Variants in ZFPM2 observed in about 807,000 individuals in gnomAD.
ZFPM2 encodes the protein zinc finger protein, FOG family member 2.
Under a neutral mutation model 98.6 loss-of-function variants are expected in ZFPM2, and 20 were observed. The ratio of observed to expected loss-of-function variants is 0.20; its 90% CI spans 0.14 to 0.29. The LOEUF (loss-of-function observed/expected upper bound fraction) is 0.29, where lower values mean the gene tolerates loss of function less well. Among genes scored for constraint, ZFPM2 ranks in the 10% least tolerant of loss-of-function variants. The pLI, the probability that ZFPM2 is intolerant of heterozygous loss-of-function variation, is 1.00. For synonymous variants in ZFPM2, 518 were observed against 502.7 expected (o/e 1.03, Z -0.41); for missense variants, 1,310 against 1,388.6 (o/e 0.94, Z 0.90).
At chr8:105,773,838 CT>C (rs1813038428) in intron 5 of ZFPM2, among the ~76,000 whole-genome samples, 1 of 151,978 alleles carries the variant, frequency 6.6e-6, no homozygotes, top group African/African-American at 2.4e-5. Flanking sequence ...TTTTTGGTTA[CT>C]TTTTGTAAAA....
At chr8:105,371,760 ATTG>A (rs1810625865) in intron 1 of ZFPM2, among the ~76,000 whole-genome samples, 1 of 152,108 alleles carries the variant, frequency 6.6e-6, no homozygotes, top group South Asian at 2.1e-4. Context: ...ACTAGATTAG[ATTG>A]TTAATTGCAT....
At chr8:105,328,127 A>T (rs570130433) in intron 1 of ZFPM2, among the ~76,000 whole-genome samples, 1 of 152,000 alleles carries the variant, frequency 6.6e-6, no homozygotes, top group Admixed American at 6.6e-5. Context: ...GATGTTATAT[A>T]GCCCATACTT....
chr8:105,405,302 T>A (rs1219728474), intron 1 of ZFPM2, among the ~76,000 whole-genome samples: 1 of 152,072 alleles, frequency 6.6e-6, no homozygotes, highest in Admixed American at 6.6e-5. Context: ...TATTATACTT[T>A]AAGTTTTAGG....
At chr8:105,599,969 T>G (rs2130781920) in intron 4 of ZFPM2, among the ~76,000 whole-genome samples, 1 of 152,306 alleles carries the variant, frequency 6.6e-6, no homozygotes, top group Non-Finnish European at 1.5e-5. Context: ...TATTAGATTT[T>G]ATCAGAGAGG....
chr8:105,616,664 C>CAATAAT lies in ZFPM2; in HGVS notation c.421-17567_421-17562dup, dbSNP rs4038140. 427 of 374,568 alleles carry CAATAAT rather than the reference C, an allele frequency of 1.1e-3. 3 individuals carry two copies. Among genetic ancestry groups the CAATAAT allele is most frequent in the South Asian group, 6.6e-3 (316 of 47,628 alleles). 23.2% of individuals were successfully genotyped at this position (374,568 alleles called of 1,614,324 possible). ...TTTGCAACAGGTTCATATGGTATAA[C>CAATAAT]AATAATAATAATAATAATAAGGTAA... On this transcript the variant is annotated intron_variant, in intron 4 of 7. Transcript: ENST00000407775.
intron 5 of ZFPM2, among the ~76,000 whole-genome samples, chr8:105,720,025 A>G (rs990762751): frequency 6.6e-6 from 1 of 151,890 alleles, no homozygotes; most frequent in Non-Finnish European, 1.5e-5. Flanking sequence ...GCCAACCTTA[A>G]CTGGCAGAAA....
At chr8:105,482,866 C>T (rs894430331) in intron 3 of ZFPM2, among the ~76,000 whole-genome samples, 1 of 151,986 alleles carries the variant, frequency 6.6e-6, no homozygotes, top group Non-Finnish European at 1.5e-5. Context: ...CATCTCATTT[C>T]TTTAATCTTT....
At chr8:105,800,282 A>G (rs1017231073) in intron 7 of ZFPM2, among the ~76,000 whole-genome samples, 3 of 152,148 alleles carry the variant, frequency 2.0e-5, no homozygotes, top group Admixed American at 6.5e-5. Flanking sequence ...ATGCTGACCA[A>G]TGGGAGCTAG....
intron 3 of ZFPM2, among the ~76,000 whole-genome samples, chr8:105,493,462 A>T (rs1385395567): frequency 1.3e-5 from 2 of 152,186 alleles, no homozygotes; most frequent in African/African-American, 2.4e-5. Flanking sequence ...GATTTAGACA[A>T]TCTTGTACCG....
chr8:105,673,488 G>A (rs1286101929), intron 5 of ZFPM2, among the ~76,000 whole-genome samples: 2 of 151,984 alleles, frequency 1.3e-5, no homozygotes, highest in East Asian at 3.9e-4. Flanking sequence ...AACTGAGCAT[G>A]ACTCTTTCTG....
intron 5 of ZFPM2, among the ~76,000 whole-genome samples, chr8:105,770,570 T>A (rs1295029800): frequency 6.6e-6 from 1 of 152,088 alleles, no homozygotes; most frequent in Non-Finnish European, 1.5e-5. Flanking sequence ...TAAACAATAT[T>A]GCACAATAAT....
chr8:105,318,897 ACCGC>A lies in ZFPM2; in HGVS notation c.-44_-41del, dbSNP rs1811962622. Reference sequence around the variant, plus strand: ...GGGAGCCGAGGGAGCGGCAGCCGCGACCGCGGGCACCGCGGGAGCCCCAGCGGCA... The same window carrying A: ...GGGAGCCGAGGGAGCGGCAGCCGCGAGGGCACCGCGGGAGCCCCAGCGGCA... On this transcript the variant is annotated 5_prime_UTR_variant, in exon 1 of 8. Transcript: ENST00000407775. 7.9e-7 allele frequency: 1 copy of A among 1,272,306 alleles called. No homozygotes were observed. The allele number at this position is 1,272,306 out of a possible 1,614,324, so 78.8% of individuals were successfully genotyped here.
At chr8:105,624,853 C>A (rs888916380) in intron 4 of ZFPM2, among the ~76,000 whole-genome samples, 1 of 152,134 alleles carries the variant, frequency 6.6e-6, no homozygotes, top group Non-Finnish European at 1.5e-5. Context: ...AGAGATAAAA[C>A]TGTCTGACAT....
intron 3 of ZFPM2, among the ~76,000 whole-genome samples, chr8:105,484,861 T>G (rs1183742745): frequency 6.6e-6 from 1 of 152,220 alleles, no homozygotes. Context: ...CTTTTCTATT[T>G]GTCAGCTTTG....
intron 3 of ZFPM2, among the ~76,000 whole-genome samples, chr8:105,454,022 T>C (rs1322589633): frequency 2.0e-5 from 3 of 152,150 alleles, no homozygotes; most frequent in Admixed American, 6.6e-5. Context: ...TTCTTAATAT[T>C]ATCTAAAACT....
intron 5 of ZFPM2, among the ~76,000 whole-genome samples, chr8:105,709,001 C>T (rs760421485): frequency 6.6e-6 from 1 of 152,116 alleles, no homozygotes; most frequent in Admixed American, 6.5e-5. Flanking sequence ...TTGTTCATTA[C>T]TTCAACAAAA....
chr8:105,764,769 T>C (rs1163821316), intron 5 of ZFPM2, among the ~76,000 whole-genome samples: 1 of 151,834 alleles, frequency 6.6e-6, no homozygotes, highest in East Asian at 1.9e-4. Context: ...TTAAGTGATG[T>C]AATGTACTGA....
intron 2 of ZFPM2, among the ~76,000 whole-genome samples, chr8:105,438,810 C>G (rs1385345387): frequency 6.6e-6 from 1 of 152,188 alleles, no homozygotes; most frequent in Non-Finnish European, 1.5e-5. Context: ...TTGCAGTCAA[C>G]ATGAAGGTAG....
intron 2 of ZFPM2, among the ~76,000 whole-genome samples, chr8:105,424,856 G>A (rs995309685): frequency 4.6e-5 from 7 of 152,210 alleles, no homozygotes; most frequent in African/African-American, 1.7e-4. Context: ...GAGAGAGAGA[G>A]AGGCAATAAA....
Sources: allele counts gnomAD v4.1 joint callset (sites outside exome capture counted in the v4.1 genomes callset), GRCh38; gene constraint gnomAD v4.1.1; transcripts MANE v1.5; gene names NCBI Gene and HGNC (gene_info 2026-07-23, HGNC 2026-07-21).